The following ZNF292 variants were observed in gnomAD, a reference collection of about 807,000 sequenced individuals.
ZNF292 encodes zinc finger protein 292, also known as 16 zinc-finger domain protein.
In ZNF292, 26 loss-of-function variants were observed where a neutral mutation model predicts 217.9. The observed-to-expected ratio is 0.12, with a 90% CI of 0.09 to 0.17. ZNF292 has a LOEUF of 0.17. ZNF292 is among the 10% of genes least tolerant of loss of function. The probability of loss-of-function intolerance (pLI) is 1.00; values close to 1 mark genes in which losing one functional copy is unlikely to be tolerated. For missense variants in ZNF292, 2,904 were observed against 3,175.2 expected (o/e 0.91, Z 2.05); for synonymous variants, 1,257 against 1,124.1 (o/e 1.12, Z -2.37).
In ZNF292 at chr6:87,260,488, G is replaced by A; in HGVS notation, c.6859G>A (p.Ala2287Thr). The change falls in exon 8 of 8, where the codon GCT becomes ACT. Residue 2287 changes from alanine (A) to threonine (T), a missense_variant. Ala to Thr is a moderately conservative substitution (Grantham distance 58). This residue lies in a region of ZNF292 where 55 missense variants were observed against 99.8 expected (regional missense o/e 0.55). Transcript: ENST00000369577. The part of the protein sequence containing the change: ...IFNKHNDKHK[A>T]HLIRPRRLTP... ...TAATAAGCATAATGACAAACATAAGGCTCATTTGATTCGTCCAAGAAGATT... is the reference window on the plus strand; with the variant it reads ...TAATAAGCATAATGACAAACATAAGACTCATTTGATTCGTCCAAGAAGATT... 2 of 1,613,444 alleles carry A rather than the reference G, an allele frequency of 1.2e-6. No homozygotes were observed. Among genetic ancestry groups the A allele is most frequent in the Non-Finnish European group, 1.7e-6 (2 of 1,179,674 alleles).
At chr6:87,161,688 C>T (rs1340894068) in intron 1 of ZNF292, among the ~76,000 whole-genome samples, 1 of 152,214 alleles carries the variant, frequency 6.6e-6, no homozygotes, top group Non-Finnish European at 1.5e-5. Flanking sequence ...AGTGCTGGGA[C>T]TATAGGCGTG....
At chr6:87,177,101 G>T (rs1415813528) in intron 1 of ZNF292, among the ~76,000 whole-genome samples, 2 of 152,238 alleles carry the variant, frequency 1.3e-5, no homozygotes, top group East Asian at 3.9e-4. Context: ...GCCGAGGTGG[G>T]CAGATCACCT....
At chr6:87,174,679 A>G (rs960335048) in intron 1 of ZNF292, among the ~76,000 whole-genome samples, 1 of 152,172 alleles carries the variant, frequency 6.6e-6, no homozygotes, top group African/African-American at 2.4e-5. Context: ...TTTAATTTTT[A>G]AAGACTTACG....
chr6:87,205,159 A>C (rs184408404), intron 1 of ZNF292, among the ~76,000 whole-genome samples: 5 of 152,122 alleles, frequency 3.3e-5, no homozygotes, highest in Admixed American at 6.5e-5. Flanking sequence ...TGCAACCTCA[A>C]ACTCCTGGGC....
intron 1 of ZNF292, among the ~76,000 whole-genome samples, chr6:87,167,669 C>A (rs1440404183): frequency 6.6e-6 from 1 of 152,088 alleles, no homozygotes; most frequent in African/African-American, 2.4e-5. Context: ...CAAAAAACTT[C>A]TGTTTTAATG....
intron 5 of ZNF292, among the ~76,000 whole-genome samples, chr6:87,239,413 C>T (rs1324231871): frequency 2.4e-4 from 37 of 151,830 alleles, no homozygotes; most frequent in African/African-American, 8.0e-4. Flanking sequence ...CACCTCCCTC[C>T]CAGACGGGGT....
At chr6:87,169,186 G>C (rs540755531) in intron 1 of ZNF292, among the ~76,000 whole-genome samples, 27 of 152,106 alleles carry the variant, frequency 1.8e-4, no homozygotes, top group Non-Finnish European at 3.7e-4. Flanking sequence ...GCAATTACAG[G>C]TGCGCCACCA....
intron 5 of ZNF292, among the ~76,000 whole-genome samples, chr6:87,243,049 G>A (rs1331475142): frequency 6.6e-6 from 1 of 151,772 alleles, no homozygotes; most frequent in Non-Finnish European, 1.5e-5. Context: ...GTACCTCTCT[G>A]TGTGTCTCTG....
intron 1 of ZNF292, among the ~76,000 whole-genome samples, chr6:87,210,024 C>T (rs1025016127): frequency 1.3e-5 from 2 of 152,182 alleles, no homozygotes; most frequent in Non-Finnish European, 2.9e-5. Flanking sequence ...ATTTAATCCC[C>T]ATGTTTATTA....
chr6:87,245,449 A>G (rs1258858271), intron 6 of ZNF292, 54 bp from the exon 7 acceptor site: 6 of 1,325,300 alleles, frequency 4.5e-6, no homozygotes, highest in South Asian at 1.5e-5. Flanking sequence ...ACTGATGTCC[A>G]TGATTATTAC....
In ZNF292 at chr6:87,259,413, A is replaced by G. The variant is rs773667599; in HGVS notation, c.5784A>G (p.Gln1928=). The G allele has an allele frequency of 4.4e-6, 7 of 1,603,678 alleles. No individual in the cohort carries two copies. The highest frequency in any genetic ancestry group is 2.7e-5 in the African/African-American group (2 of 74,754). Residue 1928 remains glutamine, a synonymous_variant, in exon 8 of 8, where the codon CAA becomes CAG. Transcript: ENST00000369577. ...TTAAGCACTATGGTAAAATTCATCA[A>G]TACACTCCAGAAATGATTCTTGAAA... The part of the protein sequence containing the change: ...ALFKHYGKIH[Q]YTPEMILEIK...
intron 1 of ZNF292, among the ~76,000 whole-genome samples, chr6:87,180,174 A>C (rs1445502430): frequency 6.6e-6 from 1 of 152,256 alleles, no homozygotes; most frequent in Non-Finnish European, 1.5e-5. Context: ...ACAAAAAAAC[A>C]GAACAAAACA....
chr6:87,206,740 C>T (rs1279215389), intron 1 of ZNF292, among the ~76,000 whole-genome samples: 5 of 152,148 alleles, frequency 3.3e-5, no homozygotes, highest in Non-Finnish European at 5.9e-5. Context: ...CTAACAATCA[C>T]TTTGTCATGC....
intron 1 of ZNF292, among the ~76,000 whole-genome samples, chr6:87,161,348 A>G (rs1337652073): frequency 6.6e-6 from 1 of 152,246 alleles, no homozygotes; most frequent in East Asian, 1.9e-4. Flanking sequence ...TAGTAAGATA[A>G]TATTTAAATA....
intron 4 of ZNF292, among the ~76,000 whole-genome samples, chr6:87,219,190 G>A (rs758265555): frequency 6.6e-6 from 1 of 151,976 alleles, no homozygotes; most frequent in Non-Finnish European, 1.5e-5. Flanking sequence ...TTTCTTTTAT[G>A]AGCTCAGCCT....
Position 87,261,540 on chromosome 6 carries a change from T to C in ZNF292, c.7911T>C (p.Thr2637=), listed in dbSNP as rs764603942. The change falls in exon 8 of 8, where the codon ACT becomes ACC. Residue 2637 remains threonine (T), a synonymous_variant. Coordinates refer to ENST00000369577, the MANE Select transcript of ZNF292 (RefSeq NM_015021.3). ...AAAATATTGATAAGACTGCTGTGAC[T>C]AGTGGAAATCATGTATGTCCTTGTA... The part of the protein sequence containing the change: ...SRKNIDKTAV[T]SGNHVCPCKE... 4.3e-6 allele frequency: 7 copies of C among 1,609,614 alleles called. No individual in the cohort carries two copies. In the South Asian group the frequency reaches 6.6e-5, roughly 15 times the overall value.
At chr6:87,232,139 T>A (rs1773688172) in intron 4 of ZNF292, among the ~76,000 whole-genome samples, 1 of 152,096 alleles carries the variant, frequency 6.6e-6, no homozygotes, top group Non-Finnish European at 1.5e-5. Context: ...GGTGAAAAGG[T>A]CTAGACTTCA....
intron 1 of ZNF292, among the ~76,000 whole-genome samples, chr6:87,213,389 A>T (rs1772586421): frequency 6.6e-6 from 1 of 152,202 alleles, no homozygotes; most frequent in African/African-American, 2.4e-5. Context: ...CAATGGTGAG[A>T]CCACACCCGG....
intron 1 of ZNF292, among the ~76,000 whole-genome samples, chr6:87,159,204 T>A (rs1000461790): frequency 1.3e-5 from 2 of 152,092 alleles, no homozygotes; most frequent in Non-Finnish European, 2.9e-5. Flanking sequence ...ACGAAAGGCA[T>A]TAAATGTTTT....
Sources: allele counts gnomAD v4.1 joint callset (sites outside exome capture counted in the v4.1 genomes callset), GRCh38; gene constraint gnomAD v4.1.1; regional missense constraint gnomAD v4.1.1; transcripts MANE v1.5; gene names NCBI Gene and HGNC (gene_info 2026-07-23, HGNC 2026-07-21).